The following WNK3 variants were observed in gnomAD, a reference collection of about 807,000 sequenced individuals.
WNK3 encodes the protein WNK lysine deficient protein kinase 3.
In WNK3, 18 loss-of-function variants were observed where a neutral mutation model predicts 116.7. The observed-to-expected ratio is 0.15, with a 90% CI of 0.11 to 0.23. The LOEUF (loss-of-function observed/expected upper bound fraction) is 0.23, where lower values mean the gene tolerates loss of function less well. Among genes scored for constraint, WNK3 ranks in the 10% least tolerant of loss-of-function variants. The pLI is 1.00. For missense variants in WNK3, 993 were observed against 1,323.8 expected, an observed-to-expected ratio of 0.75 and a Z score of 3.88; for synonymous variants, 404 against 469.4, an observed-to-expected ratio of 0.86 and a Z score of 1.80.
rs2516042 is a variant in WNK3, at chrX:54,215,042, G to A, written c.4871-12849C>T. 2.3e-3 allele frequency among the ~76,000 whole-genome samples: 234 copies of A among 102,878 alleles called. 1 individual carries two copies. The highest frequency in any genetic ancestry group is 7.6e-3 in the African/African-American group (212 of 27,927). 89.3% of individuals were successfully genotyped at this position (102,878 alleles called of 115,157 possible). On this transcript the variant is annotated intron_variant, in intron 22 of 23. Coordinates refer to ENST00000354646, the Ensembl canonical transcript of WNK3. ...TGAGGCAGGAGAATGGTGTGAACCC[G>A]GGAGGCGGAGCTTGCAGTGAGCCGA...
At chrX:54,258,803 C>T (rs1321051682) in intron 11 of WNK3, among the ~76,000 whole-genome samples, 1 of 108,363 alleles carries the variant, frequency 9.2e-6, no homozygotes, top group African/African-American at 3.3e-5. Context: ...AAAAACACCT[C>T]ACTGAATAGG....
intron 2 of WNK3, among the ~76,000 whole-genome samples, chrX:54,331,234 A>C (rs1324829682): frequency 9.1e-6 from 1 of 109,515 alleles, no homozygotes; most frequent in Non-Finnish European, 1.9e-5. Flanking sequence ...AAATCAAAAA[A>C]TAAAATTTAA....
At chrX:54,356,875 C>T (rs1341510672) in intron 1 of WNK3, among the ~76,000 whole-genome samples, 2 of 108,125 alleles carry the variant, frequency 1.8e-5, no homozygotes, top group Non-Finnish European at 3.8e-5. Context: ...AGGATTTCCA[C>T]CCCCACCCCA....
At position 54,354,656 on chromosome X, in the gene WNK3, C is replaced by A. The variant is rs1236184843; in HGVS notation, c.-120+3030G>T. 9.0e-5 allele frequency among the ~76,000 whole-genome samples: 10 copies of A among 111,186 alleles called. No individual in the cohort carries two copies. In the East Asian group the frequency reaches 2.0e-3, roughly 22 times the overall value. ...CGCGTTTATCTGTGTGACAAACCTG[C>A]ACATCCTGCACATGTACCCCGGAAC... is the stretch of plus-strand genomic sequence containing the variant. On this transcript the variant is annotated intron_variant, in intron 1 of 23. Coordinates refer to ENST00000354646, the Ensembl canonical transcript of WNK3.
At chrX:54,195,466 A>G (rs1239219009) in exon 24 of WNK3, 1 of 111,818 alleles carries the variant, frequency 8.9e-6, no homozygotes, top group Admixed American at 9.6e-5. Context: ...GGATGAAAAT[A>G]GCACTATTAT....
At chrX:54,313,657 T>C (rs2068914223) in intron 2 of WNK3, among the ~76,000 whole-genome samples, 2 of 110,599 alleles carry the variant, frequency 1.8e-5, no homozygotes, top group South Asian at 7.7e-4. Flanking sequence ...GCACAACTCC[T>C]CTGTATTTAC....
At chrX:54,215,512 G>A (rs1417116132) in intron 22 of WNK3, among the ~76,000 whole-genome samples, 2 of 112,529 alleles carry the variant, frequency 1.8e-5, no homozygotes, top group East Asian at 2.8e-4. Flanking sequence ...CCAGGCTGGA[G>A]TGCAGTGGCG....
At chrX:54,197,180 G>A (rs923428045) in exon 24 of WNK3, 4 of 111,865 alleles carry the variant, frequency 3.6e-5, no homozygotes, top group Non-Finnish European at 7.5e-5. Context: ...CCCCCCAAAC[G>A]AGATTCATAT....
intron 2 of WNK3, among the ~76,000 whole-genome samples, chrX:54,324,680 C>A (rs937979424): frequency 8.9e-6 from 1 of 112,228 alleles, no homozygotes; most frequent in African/African-American, 3.2e-5. Context: ...AGTGGGAAAT[C>A]AAACTGAATC....
chrX:54,319,089 A>C (rs2068998611), intron 2 of WNK3, among the ~76,000 whole-genome samples: 1 of 109,858 alleles, frequency 9.1e-6, no homozygotes, highest in Admixed American at 9.8e-5. Context: ...AACCTGACTA[A>C]TAAGTCTTAA....
At chrX:54,208,538 C>T (rs1348570384) in intron 22 of WNK3, among the ~76,000 whole-genome samples, 1 of 111,392 alleles carries the variant, frequency 9.0e-6, no homozygotes, top group Non-Finnish European at 1.9e-5. Context: ...CCATGCCCAA[C>T]TAATTTTTGT....
chrX:54,265,621 C>T (rs896946490), intron 10 of WNK3, among the ~76,000 whole-genome samples: 13 of 112,172 alleles, frequency 1.2e-4, no homozygotes, highest in African/African-American at 3.2e-4. Context: ...AGATGAGCAA[C>T]GAGAGGTTGT....
At chrX:54,270,743 C>A (rs781940828) in intron 10 of WNK3, among the ~76,000 whole-genome samples, 4 of 110,316 alleles carry the variant, frequency 3.6e-5, no homozygotes, top group African/African-American at 1.3e-4. Context: ...TTCCCCCGAC[C>A]CCTCAACAGG....
intron 7 of WNK3, 53 bp from the exon 8 acceptor site, chrX:54,294,900 CTT>C (rs782763277): frequency 4.3e-3 from 3,718 of 863,606 alleles, no homozygotes; most frequent in South Asian, 5.1e-3. Flanking sequence ...AAGATTTTAA[CTT>C]TTTTTTTTTT....
chrX:54,345,282 ATATGTATGTATGTATGTATG>A (rs572331448), intron 1 of WNK3, among the ~76,000 whole-genome samples: 5 of 100,925 alleles, frequency 5.0e-5, no homozygotes, highest in South Asian at 4.6e-4. Flanking sequence ...AACTATATAT[ATATGTATGTATGTATGTATG>A]TATGTATGTA....
intron 22 of WNK3, among the ~76,000 whole-genome samples, chrX:54,222,259 G>T: frequency 9.0e-6 from 1 of 110,844 alleles, no homozygotes; most frequent in Non-Finnish European, 1.9e-5. Context: ...TATAAGAAAA[G>T]AATAATATAG....
intron 21 of WNK3, among the ~76,000 whole-genome samples, chrX:54,229,000 C>CA (rs1221167542): frequency 9.0e-6 from 1 of 110,801 alleles, no homozygotes; most frequent in Non-Finnish European, 1.9e-5. Flanking sequence ...AAGGGAGAAA[C>CA]AAAAAAGTCT....
chrX:54,199,609 G>A (rs1409129031), intron 23 of WNK3, among the ~76,000 whole-genome samples: 1 of 111,863 alleles, frequency 8.9e-6, no homozygotes, highest in African/African-American at 3.2e-5. Context: ...CAAGGCGGGT[G>A]GATCAGCTGA....
intron 6 of WNK3, among the ~76,000 whole-genome samples, chrX:54,299,811 A>T (rs782376014): frequency 9.0e-6 from 1 of 110,773 alleles, no homozygotes; most frequent in Non-Finnish European, 1.9e-5. Context: ...TTACTGTAAA[A>T]TTTTTATTAT....
Sources: gnomAD v4.1 joint callset for allele counts (sites outside exome capture counted in the v4.1 genomes callset) on GRCh38, gnomAD v4.1.1 for gene constraint, MANE v1.5 for transcripts, NCBI Gene and HGNC (gene_info 2026-07-23, HGNC 2026-07-21) for gene names.